MAPK6: variants seen among roughly 807,000 people sequenced by gnomAD.
MAPK6 encodes ERK-3.
In MAPK6, 19 loss-of-function variants were observed where a neutral mutation model predicts 59.3. The ratio of observed to expected loss-of-function variants is 0.32; its 90% CI spans 0.22 to 0.47. MAPK6 has a LOEUF of 0.47. MAPK6 is among the 20% of genes least tolerant of loss of function. The pLI is 1.00. For missense variants in MAPK6, 724 were observed against 847.9 expected (o/e 0.85, Z 1.81); for synonymous variants, 316 against 290.3 (o/e 1.09, Z -0.90).
chr15:52,026,670 G>C (rs536459816), intron 1 of MAPK6, among the ~76,000 whole-genome samples: 1 of 152,290 alleles, frequency 6.6e-6, no homozygotes, highest in East Asian at 1.9e-4. Flanking sequence ...CATTTACTGT[G>C]TGTGTAAAGA....
intron 1 of MAPK6, among the ~76,000 whole-genome samples, chr15:52,038,476 A>G (rs1362242345): frequency 1.3e-5 from 2 of 152,204 alleles, no homozygotes; most frequent in Non-Finnish European, 2.9e-5. Context: ...TTTCTCTGCT[A>G]CATTGCATGT....
chr15:52,024,552 A>G (rs1449271533), intron 1 of MAPK6: 1 of 151,834 alleles, frequency 6.6e-6, no homozygotes, highest in Non-Finnish European at 1.5e-5. Flanking sequence ...AGCTGCTGCC[A>G]CCGCGCCTGG....
At chr15:52,061,225 A>G (rs1344827203) in intron 4 of MAPK6, 74 bp from the exon 5 acceptor site, 3 of 1,118,436 alleles carry the variant, frequency 2.7e-6, no homozygotes, top group African/African-American at 1.5e-5. Flanking sequence ...ATTGAAATAA[A>G]TGAGATCAAC....
intron 2 of MAPK6, among the ~76,000 whole-genome samples, chr15:51,998,312 T>C (rs2057231543): frequency 1.3e-5 from 2 of 150,184 alleles, no homozygotes; most frequent in Admixed American, 1.3e-4. Flanking sequence ...TCAAGTGATT[T>C]TTGTGCCTCA....
chr15:51,984,313 G>A (rs1320523971), intron 2 of MAPK6, among the ~76,000 whole-genome samples: 1 of 151,862 alleles, frequency 6.6e-6, no homozygotes, highest in African/African-American at 2.4e-5. Flanking sequence ...ATGGAGTTTC[G>A]CTCTGTCGCC....
At chr15:52,026,781 A>G (rs2030794957) in intron 1 of MAPK6, among the ~76,000 whole-genome samples, 2 of 150,808 alleles carry the variant, frequency 1.3e-5, no homozygotes, top group African/African-American at 2.4e-5. Flanking sequence ...GCTGGGCGCG[A>G]TGGCTCATGC....
intron 5 of MAPK6, 101 bp from the exon 6 acceptor site, chr15:52,063,801 C>A: frequency 1.0e-6 from 1 of 970,524 alleles, no homozygotes; most frequent in Non-Finnish European, 1.4e-6. Flanking sequence ...ATAATTATCC[C>A]CTCATAGACC....
intron 2 of MAPK6, among the ~76,000 whole-genome samples, chr15:51,983,866 T>G (rs1276689816): frequency 6.6e-6 from 1 of 152,024 alleles, no homozygotes; most frequent in East Asian, 1.9e-4. Context: ...GTATTATCTA[T>G]CTAAACTGTA....
upstream of MAPK6, among the ~76,000 whole-genome samples, chr15:52,016,667 C>G (rs922656315): frequency 6.6e-6 from 1 of 152,152 alleles, no homozygotes; most frequent in Non-Finnish European, 1.5e-5. Context: ...AACTCTCCCC[C>G]TCCTCTGCCC....
chr15:51,986,230 A>C (rs766915009), intron 2 of MAPK6, among the ~76,000 whole-genome samples: 22 of 152,268 alleles, frequency 1.4e-4, no homozygotes, highest in Non-Finnish European at 2.6e-4. Context: ...TGAGAACAGC[A>C]AGAAGAAAAT....
In MAPK6 at chr15:52,066,929, CTT is replaced by C. The variant is rs755988587; in HGVS notation, c.*1932_*1933del. On this transcript the variant is annotated 3_prime_UTR_variant, in exon 6 of 6. Coordinates refer to ENST00000261845, the MANE Select transcript of MAPK6 (RefSeq NM_002748.4). ...TTGTGGGGAAAAAAAAAATGGGACA[CTT>C]TTAGTTGGAGCTGGGTGGGGTGACA... 2 of 152,136 alleles carry C rather than the reference CTT, an allele frequency of 1.3e-5. No individual in the cohort carries two copies. Among genetic ancestry groups the C allele is most frequent in the East Asian group, 1.9e-4 (1 of 5,182 alleles). The allele number at this position is 152,136 out of a possible 1,614,324, so 9.4% of individuals were successfully genotyped here.
intron 1 of MAPK6, chr15:52,033,865 A>C (rs1041176135): frequency 6.8e-6 from 1 of 148,096 alleles, no homozygotes; most frequent in East Asian, 2.0e-4. Context: ...AACATATTCT[A>C]TTGTCTTCTG....
chr15:52,014,999 A>G (rs2030191883), upstream of MAPK6, among the ~76,000 whole-genome samples: 2 of 152,084 alleles, frequency 1.3e-5, no homozygotes, highest in Non-Finnish European at 2.9e-5. Flanking sequence ...CTGAGAATTG[A>G]AACTTTTTTT....
intron 2 of MAPK6, among the ~76,000 whole-genome samples, chr15:51,984,526 A>G (rs1040021948): frequency 3.0e-4 from 39 of 128,938 alleles, no homozygotes; most frequent in Non-Finnish European, 5.3e-4. Context: ...GATGGTCTTG[A>G]TCTCCTGACC....
At chr15:52,003,136 G>C (rs527467910) in intron 2 of MAPK6, among the ~76,000 whole-genome samples, 1 of 152,082 alleles carries the variant, frequency 6.6e-6, no homozygotes, top group South Asian at 2.1e-4. Context: ...GCAGTGAGCT[G>C]AGATTGCACC....
intron 3 of MAPK6, among the ~76,000 whole-genome samples, chr15:52,007,329 G>C (rs1010028187): frequency 1.3e-5 from 2 of 152,200 alleles, no homozygotes; most frequent in South Asian, 4.1e-4. Flanking sequence ...CTATCTTCTG[G>C]GGGGTGGGGT....
intron 2 of MAPK6, among the ~76,000 whole-genome samples, chr15:51,983,397 T>G (rs2057180711): frequency 6.6e-6 from 1 of 152,088 alleles, no homozygotes. Context: ...GAGAATCACT[T>G]GGACCCAGGA....
intron 4 of MAPK6, among the ~76,000 whole-genome samples, chr15:52,060,235 G>A (rs1050390387): frequency 1.3e-5 from 2 of 152,126 alleles, no homozygotes; most frequent in African/African-American, 4.8e-5. Context: ...AAGATGCTGT[G>A]TCTTAAAATT....
Position 52,064,206 on chromosome 15 carries a change from G to C in MAPK6, c.1372G>C (p.Val458Leu), listed in dbSNP as rs1467053457. ...GTCATCATCATATTTAGATAACTTA[G>C]TTTGGAGAGAGAGTGAAGTTAACCA... is the stretch of plus-strand genomic sequence containing the variant. ...TRSSSYLDNL[V>L]WRESEVNHYY... The change falls in exon 6 of 6, where the codon GTT (valine) becomes CTT (leucine). Residue 458 changes from valine to leucine, a missense_variant. Physicochemically the swap from Val to Leu is conservative, Grantham distance 32. Transcript: ENST00000261845. 1.2e-6 allele frequency: 2 copies of C among 1,611,860 alleles called. No individual in the cohort carries two copies.
Sources: allele counts gnomAD v4.1 joint callset (sites outside exome capture counted in the v4.1 genomes callset), GRCh38; gene constraint gnomAD v4.1.1; transcripts MANE v1.5; gene names NCBI Gene and HGNC (gene_info 2026-07-23, HGNC 2026-07-21).